ZNF331: variants seen among roughly 807,000 people sequenced by gnomAD.
ZNF331 encodes zinc finger protein 331.
In ZNF331, 2 loss-of-function variants were observed where a neutral mutation model predicts 7.0. The ratio of observed to expected loss-of-function variants is 0.29; its 90% CI spans 0.12 to 0.90. ZNF331 has a LOEUF of 0.90. Ranked by LOEUF, ZNF331 falls within the 40% of genes least tolerant of loss-of-function variation. The probability of loss-of-function intolerance (pLI) is 0.58; values close to 1 mark genes in which losing one functional copy is unlikely to be tolerated. For missense variants in ZNF331, 432 were observed against 587.7 expected (o/e 0.74, Z 2.74); for synonymous variants, 196 against 205.4 (o/e 0.95, Z 0.39).
the ZNF331 span, among the ~76,000 whole-genome samples, chr19:53,506,490 CTCTCTCTCTCTCTCTCTG>C: frequency 8.5e-5 from 12 of 141,638 alleles, no homozygotes; most frequent in African/African-American, 3.0e-4. Context: ...CTGTCTGTCT[CTCTCTCTCTCTCTCTCTG>C]TCTCTCTCTC....
the ZNF331 span, among the ~76,000 whole-genome samples, chr19:53,514,162 T>A: frequency 6.6e-6 from 1 of 152,138 alleles, no homozygotes; most frequent in Non-Finnish European, 1.5e-5. Flanking sequence ...TGAAAACACA[T>A]TTATATATGC....
At chr19:53,503,644 T>C in the ZNF331 span, 3 of 701,806 alleles carry the variant, frequency 4.3e-6, no homozygotes, top group Admixed American at 2.0e-5. Flanking sequence ...AATTTCTTTT[T>C]TGTGTCCACA....
intron 2 of ZNF331, among the ~76,000 whole-genome samples, chr19:53,530,783 G>A (rs146543214): frequency 3.3e-5 from 5 of 152,350 alleles, no homozygotes; most frequent in Admixed American, 6.5e-5. Flanking sequence ...AGGGGTAACC[G>A]GGACCTGATG....
At chr19:53,541,184 C>T (rs1014829834) in intron 2 of ZNF331, among the ~76,000 whole-genome samples, 1 of 150,828 alleles carries the variant, frequency 6.6e-6, no homozygotes, top group African/African-American at 2.4e-5. Context: ...CTCAGCTCGC[C>T]GTAACCTCTG....
upstream of ZNF331, chr19:53,536,225 GTAA>G (rs1251834074): frequency 6.6e-6 from 1 of 151,422 alleles, no homozygotes; most frequent in Non-Finnish European, 1.5e-5. Flanking sequence ...TGATTTTTTA[GTAA>G]TAACAGCTAC....
At chr19:53,520,556 AATACGCTTTCCCAGAAGTCT>A (rs1013556512), upstream of ZNF331, among the ~76,000 whole-genome samples, 51 of 152,324 alleles carry the variant, frequency 3.3e-4, no homozygotes, top group African/African-American at 1.2e-3. Context: ...GCCAGTCTGA[AATACGCTTTCCCAGAAGTCT>A]ATGGGGGGTG....
At position 53,571,048 on chromosome 19, in the gene ZNF331, A is replaced by G. The variant is rs112757412; in HGVS notation, c.10-556A>G. Among the ~76,000 whole-genome samples, 1,104 of 151,274 alleles carry G rather than the reference A, an allele frequency of 7.3e-3. 17 individuals carry two copies. The highest frequency in any genetic ancestry group is 0.026 in the African/African-American group (1,060 of 41,182). On this transcript the variant is annotated intron_variant, in intron 4 of 5. Coordinates refer to ENST00000449416, the MANE Select transcript of ZNF331 (RefSeq NM_001079906.2). This position sits in a 1 kb window ranked among gnomAD's most constrained non-coding sequence, Gnocchi z 4.7. ...TAATTTTTTTGTATTTTTAGTAGAG[A>G]TGGGGTTTCACCATGTTTGCCAGGA...
intron 2 of ZNF331, among the ~76,000 whole-genome samples, chr19:53,540,460 G>A (rs8111056): frequency 3.3e-5 from 5 of 151,668 alleles, no homozygotes; most frequent in Admixed American, 3.3e-4. Flanking sequence ...TGAGATGGAG[G>A]CTTGCTCTGT....
chr19:53,549,071 A>T (rs2088813300), intron 2 of ZNF331, among the ~76,000 whole-genome samples: 1 of 150,798 alleles, frequency 6.6e-6, no homozygotes, highest in South Asian at 2.1e-4. Flanking sequence ...CAGGTCTTAA[A>T]CTCCTGACCT....
At chr19:53,566,545 A>G (rs1388524237) in intron 3 of ZNF331, among the ~76,000 whole-genome samples, 2 of 152,032 alleles carry the variant, frequency 1.3e-5, no homozygotes, top group Non-Finnish European at 2.9e-5. Flanking sequence ...CCCGGAGGAA[A>G]CCAAGGGTTC....
chr19:53,543,734 A>G (rs977702193), intron 2 of ZNF331, among the ~76,000 whole-genome samples: 1 of 152,224 alleles, frequency 6.6e-6, no homozygotes, highest in Non-Finnish European at 1.5e-5. Context: ...CATACTTGCC[A>G]GTTGTAACAA....
At chr19:53,546,162 T>TATATATATATATATATATATATA (rs1568486289) in intron 2 of ZNF331, among the ~76,000 whole-genome samples, 3 of 97,888 alleles carry the variant, frequency 3.1e-5, no homozygotes, top group Admixed American at 1.1e-4. Flanking sequence ...AAAAAAAAAA[T>TATATATATATATATATATATATA]TATTATTTAG....
intron 3 of ZNF331, among the ~76,000 whole-genome samples, chr19:53,564,070 C>T (rs1428579154): frequency 1.1e-3 from 117 of 103,486 alleles, no homozygotes; most frequent in African/African-American, 4.4e-3. Context: ...ACAGAGCCTG[C>T]ATTCTTTTTT....
intron 4 of ZNF331, among the ~76,000 whole-genome samples, chr19:53,569,696 G>C (rs961098638): frequency 6.6e-6 from 1 of 152,036 alleles, no homozygotes; most frequent in African/African-American, 2.4e-5. Context: ...AGATATGTTG[G>C]TCCCATCTGA....
intron 2 of ZNF331, among the ~76,000 whole-genome samples, chr19:53,553,098 C>G (rs1443546897): frequency 6.6e-6 from 1 of 152,104 alleles, no homozygotes; most frequent in Non-Finnish European, 1.5e-5. Flanking sequence ...TTTCAATTTA[C>G]ATGAATCAGT....
chr19:53,531,078 G>A lies in ZNF331; in HGVS notation c.-204-8138G>A, dbSNP rs140503987. ...TGAGGTATTTTCTAATGTAGGCTGCGCACCTAGAAAGACCCTAGCTTCTCA... is the reference window on the plus strand; with the variant it reads ...TGAGGTATTTTCTAATGTAGGCTGCACACCTAGAAAGACCCTAGCTTCTCA... On this transcript the variant is annotated intron_variant, in intron 2 of 6. Coordinates refer to the ZNF331 transcript ENST00000253144. Among the ~76,000 whole-genome samples, 88 of 152,164 alleles carry A rather than the reference G, an allele frequency of 5.8e-4. No homozygotes were observed. The East Asian group carries it at 0.015, about 26-fold the overall frequency.
intron 2 of ZNF331, among the ~76,000 whole-genome samples, chr19:53,540,091 A>T (rs1367760104): frequency 6.6e-6 from 1 of 152,238 alleles, no homozygotes; most frequent in Non-Finnish European, 1.5e-5. Context: ...AGGATTATTC[A>T]TGAATCCTTC....
In ZNF331 at chr19:53,579,222, G is replaced by C. The variant is rs2090840767; in HGVS notation, c.*1270G>C. The C allele has an allele frequency of 1.4e-5, 3 of 209,612 alleles. No homozygotes were observed. Among genetic ancestry groups the C allele is most frequent in the African/African-American group, 4.6e-5 (2 of 43,726 alleles). 13.0% of individuals were successfully genotyped at this position (209,612 alleles called of 1,614,324 possible). ...GTAGATGTTTTTATTGTGTGGGTTA[G>C]TTTAATGAATACATAAAGACTACCA... On this transcript the variant is annotated 3_prime_UTR_variant, in exon 6 of 6. Coordinates refer to ENST00000449416, the MANE Select transcript of ZNF331 (RefSeq NM_001079906.2).
At position 53,576,866 on chromosome 19, in the gene ZNF331, G is replaced by T. The variant is rs747179966; in HGVS notation, c.306G>T (p.Gln102His). 25 of 1,614,158 alleles carry T rather than the reference G, an allele frequency of 1.5e-5. No individual in the cohort carries two copies. The highest frequency in any genetic ancestry group is 1.7e-5 in the Non-Finnish European group (20 of 1,180,024). Residue 102 changes from glutamine (Q) to histidine (H), a missense_variant, in exon 6 of 6, where the codon CAG becomes CAT. Coordinates refer to ENST00000449416, the MANE Select transcript of ZNF331 (RefSeq NM_001079906.2). ...PQRSRGRYVN[Q>H]MIINYVKRPA... is the part of the protein sequence containing the mutation. ...GCTCCAGAGGGAGGTATGTCAATCA[G>T]ATGATCATCAATTATGTCAAAAGAC...
Sources: allele counts gnomAD v4.1 joint callset (sites outside exome capture counted in the v4.1 genomes callset), GRCh38; gene constraint gnomAD v4.1.1; non-coding constraint Gnocchi (gnomAD v3.1); transcripts MANE v1.5; gene names NCBI Gene and HGNC (gene_info 2026-07-23, HGNC 2026-07-21).